PACRG: variants seen among roughly 807,000 people sequenced by gnomAD.
PACRG encodes parkin coregulated.
In PACRG, 29 loss-of-function variants were observed where a neutral mutation model predicts 29.7. The observed-to-expected ratio is 0.98, with a 90% confidence interval of 0.73 to 1.33. The LOEUF (loss-of-function observed/expected upper bound fraction) is 1.33. Ranked by LOEUF, PACRG falls within the 40% of genes most tolerant of loss-of-function variation. PACRG has a pLI of 0.00. For missense variants in PACRG, 279 were observed against 316.2 expected (o/e 0.88, Z 0.89); for synonymous variants, 116 against 118.7 (o/e 0.98, Z 0.15).
At chr6:163,249,001 G>A (rs1782799200) in intron 4 of PACRG, among the ~76,000 whole-genome samples, 1 of 133,608 alleles carries the variant, frequency 7.5e-6, no homozygotes, top group African/African-American at 2.9e-5. Context: ...GGGCAAGAGA[G>A]CGAGACTCTG....
At chr6:163,237,641 A>C (rs1206508801) in intron 4 of PACRG, among the ~76,000 whole-genome samples, 1 of 152,238 alleles carries the variant, frequency 6.6e-6, no homozygotes, top group Non-Finnish European at 1.5e-5. Flanking sequence ...CTCTAAGGCC[A>C]CATTTCTGTT....
chr6:163,037,630 G>C (rs1808324117), intron 2 of PACRG, among the ~76,000 whole-genome samples: 1 of 152,200 alleles, frequency 6.6e-6, no homozygotes, highest in Non-Finnish European at 1.5e-5. Flanking sequence ...CATGCCCTGA[G>C]AAACAAAGTA....
intron 1 of PACRG, among the ~76,000 whole-genome samples, chr6:162,798,227 T>C (rs904919713): frequency 2.6e-5 from 4 of 152,184 alleles, no homozygotes; most frequent in African/African-American, 9.6e-5. Flanking sequence ...GCAAGTGTCA[T>C]TTGTTTATGT....
At chr6:163,079,887 A>ATTTTTTT (rs1585165556) in intron 3 of PACRG, among the ~76,000 whole-genome samples, 5 of 115,198 alleles carry the variant, frequency 4.3e-5, no homozygotes, top group African/African-American at 1.1e-4. Context: ...TGTAGCAGTC[A>ATTTTTTT]TTCTTTTTTT....
intron 4 of PACRG, among the ~76,000 whole-genome samples, chr6:163,170,046 T>G (rs1413038141): frequency 6.6e-6 from 1 of 152,004 alleles, no homozygotes; most frequent in Non-Finnish European, 1.5e-5. Flanking sequence ...TTCACCCCAA[T>G]TACCTCAAAG....
intron 4 of PACRG, chr6:163,310,740 A>C (rs1356888822): frequency 6.6e-6 from 1 of 152,248 alleles, no homozygotes; most frequent in African/African-American, 2.4e-5. Context: ...GAAATGGAGA[A>C]TACATCATCA....
intron 4 of PACRG, chr6:163,100,721 T>C (rs953344324): frequency 2.2e-4 from 201 of 905,526 alleles, no homozygotes; most frequent in Non-Finnish European, 2.5e-4. Flanking sequence ...AGCTTTCCAT[T>C]TTATTGCCTT....
intron 2 of PACRG, among the ~76,000 whole-genome samples, chr6:162,847,557 T>G (rs1790509310): frequency 6.6e-6 from 1 of 151,104 alleles, no homozygotes; most frequent in African/African-American, 2.4e-5. Context: ...GGCCTCAGTA[T>G]AAAGGTGTAA....
intron 2 of PACRG, among the ~76,000 whole-genome samples, chr6:162,960,330 A>T (rs1234187443): frequency 6.6e-6 from 1 of 152,238 alleles, no homozygotes; most frequent in Non-Finnish European, 1.5e-5. Context: ...TGCACTATTG[A>T]CAATACCAAA....
At chr6:163,278,671 C>A (rs964349832) in intron 4 of PACRG, among the ~76,000 whole-genome samples, 1 of 152,158 alleles carries the variant, frequency 6.6e-6, no homozygotes, top group Non-Finnish European at 1.5e-5. Flanking sequence ...TCTGGGTTCT[C>A]TATTCTGTTC....
intron 2 of PACRG, among the ~76,000 whole-genome samples, chr6:163,001,785 T>C (rs1804613763): frequency 6.6e-6 from 1 of 152,192 alleles, no homozygotes; most frequent in African/African-American, 2.4e-5. Flanking sequence ...GAAGTTACGC[T>C]GATAAGATTT....
intron 4 of PACRG, among the ~76,000 whole-genome samples, chr6:163,132,489 A>G (rs1487109083): frequency 6.6e-6 from 1 of 152,220 alleles, no homozygotes; most frequent in Non-Finnish European, 1.5e-5. Context: ...GATTCTTTCT[A>G]TATCCATTTC....
chr6:162,760,972 C>A (rs1782310077), intron 1 of PACRG, among the ~76,000 whole-genome samples: 1 of 152,204 alleles, frequency 6.6e-6, no homozygotes, highest in African/African-American at 2.4e-5. Context: ...GATGGTCTAA[C>A]TGCCAGCACT....
At chr6:162,795,168 G>A (rs1425196252) in intron 1 of PACRG, among the ~76,000 whole-genome samples, 1 of 151,900 alleles carries the variant, frequency 6.6e-6, no homozygotes, top group African/African-American at 2.4e-5. Context: ...ATATGTTCAA[G>A]GGAAGCCAGT....
chr6:162,808,914 T>C (rs1052959120), intron 1 of PACRG, among the ~76,000 whole-genome samples: 5 of 152,146 alleles, frequency 3.3e-5, no homozygotes, highest in Non-Finnish European at 7.4e-5. Flanking sequence ...ATTTTCAGAG[T>C]CGTTTTGCTT....
intron 4 of PACRG, among the ~76,000 whole-genome samples, chr6:163,174,850 C>T (rs1779267705): frequency 6.6e-6 from 1 of 152,026 alleles, no homozygotes; most frequent in Non-Finnish European, 1.5e-5. Flanking sequence ...GGTGCTTTGC[C>T]TCCACTGTCT....
chr6:163,135,195 T>A (rs1346934416), intron 4 of PACRG, among the ~76,000 whole-genome samples: 1 of 152,082 alleles, frequency 6.6e-6, no homozygotes, highest in Non-Finnish European at 1.5e-5. Flanking sequence ...ATTTTTTTTT[T>A]TTTTTTAATT....
intron 2 of PACRG, among the ~76,000 whole-genome samples, chr6:162,939,898 C>T (rs1439179475): frequency 6.6e-6 from 1 of 152,078 alleles, no homozygotes; most frequent in African/African-American, 2.4e-5. Context: ...AAGAACCATA[C>T]AGTAAATTAG....
intron 4 of PACRG, among the ~76,000 whole-genome samples, chr6:163,093,104 A>G (rs1814263113): frequency 6.6e-6 from 1 of 152,224 alleles, no homozygotes; most frequent in African/African-American, 2.4e-5. Context: ...TTTCAAATCC[A>G]TCCTTTCCTG....
Sources: allele counts gnomAD v4.1 joint callset (sites outside exome capture counted in the v4.1 genomes callset), GRCh38; gene constraint gnomAD v4.1.1; transcripts MANE v1.5; gene names NCBI Gene and HGNC (gene_info 2026-07-23, HGNC 2026-07-21).